CALD1: variants seen among roughly 807,000 people sequenced by gnomAD.
CALD1 encodes caldesmon.
In CALD1, 33 loss-of-function variants were observed where a neutral mutation model predicts 99.9. That is an observed-to-expected ratio of 0.33 (90% CI 0.25 to 0.44). CALD1 has a LOEUF of 0.44. Ranked by LOEUF, CALD1 falls within the 20% of genes least tolerant of loss-of-function variation. The pLI, the probability that CALD1 is intolerant of heterozygous loss-of-function variation, is 1.00. For missense variants in CALD1, 861 were observed against 962.1 expected (o/e 0.89, Z 1.39); for synonymous variants, 310 against 325.0 (o/e 0.95, Z 0.50).
At chr7:134,924,157 C>T (rs565846990) in intron 3 of CALD1, among the ~76,000 whole-genome samples, 7 of 152,216 alleles carry the variant, frequency 4.6e-5, no homozygotes, top group African/African-American at 1.7e-4. Context: ...ATATGTATGA[C>T]ATAACCCTAT....
At position 134,927,187 on chromosome 7, in the gene CALD1, C is replaced by T. The variant is rs565236539; in HGVS notation, c.72-1567C>T. Reference sequence around the variant, plus strand: ...GTCAAACGTGTCAAAATAGCTATTTCCTCTTGAGTTTGAGCATCTGCAGTT... The same window carrying T: ...GTCAAACGTGTCAAAATAGCTATTTTCTCTTGAGTTTGAGCATCTGCAGTT... On this transcript the variant is annotated intron_variant, in intron 3 of 14. Coordinates refer to ENST00000361675, the MANE Select transcript of CALD1 (RefSeq NM_033138.4). 3.9e-5 allele frequency among the ~76,000 whole-genome samples: 6 copies of T among 152,196 alleles called. No homozygotes were observed. In the South Asian group the frequency reaches 1.0e-3, roughly 26 times the overall value.
chr7:134,750,573 T>C (rs1349330077), intron 1 of CALD1, among the ~76,000 whole-genome samples: 2 of 152,188 alleles, frequency 1.3e-5, no homozygotes, highest in African/African-American at 4.8e-5. Flanking sequence ...GGTACATGTT[T>C]GACTATGTTT....
chr7:134,848,106 A>G (rs1799928738), intron 2 of CALD1, among the ~76,000 whole-genome samples: 1 of 152,054 alleles, frequency 6.6e-6, no homozygotes, highest in Admixed American at 6.5e-5. Context: ...GGAAAAAAAA[A>G]AAGCCCTAAG....
At chr7:134,742,115 G>A (rs1244389105), upstream of CALD1, among the ~76,000 whole-genome samples, 1 of 151,990 alleles carries the variant, frequency 6.6e-6, no homozygotes, top group African/African-American at 2.4e-5. Flanking sequence ...GGTGGAACTG[G>A]AACAGTCATT....
intron 2 of CALD1, among the ~76,000 whole-genome samples, chr7:134,855,872 C>A (rs1428580168): frequency 6.6e-6 from 1 of 152,132 alleles, no homozygotes; most frequent in African/African-American, 2.4e-5. Flanking sequence ...GTGGTTGCCA[C>A]ATGTTTTAAT....
the CALD1 span, among the ~76,000 whole-genome samples, chr7:134,715,102 A>G: frequency 1.3e-5 from 2 of 152,204 alleles, no homozygotes. Flanking sequence ...CAAAGATTCC[A>G]CAAATACAAA....
intron 1 of CALD1, among the ~76,000 whole-genome samples, chr7:134,750,009 G>T (rs1454641896): frequency 2.0e-5 from 3 of 152,098 alleles, no homozygotes; most frequent in Non-Finnish European, 4.4e-5. Flanking sequence ...GGCTGGTGTT[G>T]GTGTCTCTGA....
At chr7:134,893,925 T>A (rs192654190) in intron 3 of CALD1, among the ~76,000 whole-genome samples, 19 of 152,302 alleles carry the variant, frequency 1.2e-4, no homozygotes, top group African/African-American at 4.6e-4. Context: ...TCTAAGTGAA[T>A]CTGTGTTTTG....
chr7:134,837,177 A>G (rs1394741462), intron 1 of CALD1, among the ~76,000 whole-genome samples: 1 of 152,188 alleles, frequency 6.6e-6, no homozygotes, highest in Non-Finnish European at 1.5e-5. Context: ...GCTTAGAAAT[A>G]AACTAAGAAT....
intron 1 of CALD1, among the ~76,000 whole-genome samples, chr7:134,780,055 A>AT (rs1797043695): frequency 1.3e-5 from 2 of 152,166 alleles, no homozygotes; most frequent in South Asian, 4.1e-4. Context: ...GCCATATGAG[A>AT]TTATACCTGA....
the CALD1 span, among the ~76,000 whole-genome samples, chr7:134,725,229 C>A: frequency 6.6e-6 from 1 of 152,144 alleles, no homozygotes; most frequent in Admixed American, 6.5e-5. Flanking sequence ...TAAGCCTTTC[C>A]TTAATTCAAT....
At chr7:134,789,917 A>T (rs890150184) in intron 1 of CALD1, among the ~76,000 whole-genome samples, 2 of 151,902 alleles carry the variant, frequency 1.3e-5, no homozygotes, top group Admixed American at 1.3e-4. Flanking sequence ...TGCCCTTATC[A>T]ACAAATCTAT....
At chr7:134,748,494 G>A (rs954218003) in intron 1 of CALD1, among the ~76,000 whole-genome samples, 2 of 152,232 alleles carry the variant, frequency 1.3e-5, no homozygotes, top group African/African-American at 4.8e-5. Flanking sequence ...TGGATCACCT[G>A]AGGTCAGGAG....
intron 1 of CALD1, among the ~76,000 whole-genome samples, chr7:134,767,227 G>A (rs113914351): frequency 1.4e-5 from 2 of 138,510 alleles, no homozygotes; most frequent in Admixed American, 6.8e-5. Context: ...GTGTGTGTGC[G>A]TGTGTGACAT....
intron 11 of CALD1, 30 bp from the exon 12 acceptor site, chr7:134,959,944 C>G: frequency 6.2e-7 from 1 of 1,610,450 alleles, no homozygotes; most frequent in Non-Finnish European, 8.5e-7. Flanking sequence ...CTTCCCAGCA[C>G]CAATCCTAAA....
At chr7:134,775,538 T>C (rs923579633), upstream of CALD1, among the ~76,000 whole-genome samples, 1 of 152,018 alleles carries the variant, frequency 6.6e-6, no homozygotes, top group African/African-American at 2.4e-5. Context: ...GGTGAAACCC[T>C]GTCTCTACTA....
the CALD1 span, among the ~76,000 whole-genome samples, chr7:134,714,001 T>G: frequency 5.3e-5 from 8 of 152,094 alleles, no homozygotes. Flanking sequence ...GGTGCTGTTC[T>G]CCTGAGAGTG....
intron 1 of CALD1, among the ~76,000 whole-genome samples, chr7:134,789,175 A>C (rs192316283): frequency 1.4e-4 from 21 of 152,288 alleles, no homozygotes; most frequent in Admixed American, 1.0e-3. Context: ...AGTAGCATGT[A>C]GATTTTTATT....
At position 134,828,369 on chromosome 7, in the gene CALD1, A is replaced by G. The variant is rs184582667; in HGVS notation, c.-129-15515A>G. 1.4e-3 allele frequency among the ~76,000 whole-genome samples: 216 copies of G among 152,352 alleles called. 1 individual carries two copies. The highest frequency in any genetic ancestry group is 5.0e-3 in the African/African-American group (206 of 41,584). On this transcript the variant is annotated intron_variant, in intron 1 of 14. Transcript: ENST00000361675. ...AAGAATTCGGAATCGCAGCTAGACC[A>G]AAGTCAGATTTTTAAGCTGGAAGAC...
Sources: allele counts gnomAD v4.1 joint callset (sites outside exome capture counted in the v4.1 genomes callset), GRCh38; gene constraint gnomAD v4.1.1; transcripts MANE v1.5; gene names NCBI Gene and HGNC (gene_info 2026-07-23, HGNC 2026-07-21).